The following ATR variants were observed in gnomAD, a reference collection of about 807,000 sequenced individuals.
The protein encoded by ATR is ATR checkpoint kinase.
A neutral mutation model predicts 305.3 loss-of-function variants in ATR; 142 were observed. The observed-to-expected ratio is 0.47, with a 90% CI of 0.41 to 0.53. The LOEUF (loss-of-function observed/expected upper bound fraction) is 0.53, where lower values mean the gene tolerates loss of function less well. Ranked by LOEUF, ATR falls within the 20% of genes least tolerant of loss-of-function variation. The pLI is 0.00. For missense variants in ATR, 2,135 were observed against 3,133.1 expected, an observed-to-expected ratio of 0.68 and a Z score of 7.60; for synonymous variants, 1,050 against 1,068.1, an observed-to-expected ratio of 0.98 and a Z score of 0.33.
intron 40 of ATR, 156 bp from the exon 41 acceptor site, chr3:142,465,396 C>A: frequency 2.0e-6 from 1 of 511,282 alleles, no homozygotes; most frequent in Non-Finnish European, 3.3e-6. Context: ...TTTTAATTAT[C>A]TATGACCTAT....
intron 34 of ATR, among the ~76,000 whole-genome samples, chr3:142,494,128 G>C (rs1226262607): frequency 1.3e-5 from 2 of 151,892 alleles, no homozygotes; most frequent in Non-Finnish European, 2.9e-5. Flanking sequence ...TATAACAACT[G>C]TTTACAAAGC....
intron 25 of ATR, 120 bp downstream of exon 25, chr3:142,515,275 A>G: frequency 7.3e-7 from 1 of 1,377,274 alleles, no homozygotes; most frequent in East Asian, 2.3e-5. Flanking sequence ...TTCTTCAAAA[A>G]TTTCTATGAT....
intron 15 of ATR, 52 bp downstream of exon 15, chr3:142,549,427 C>T: frequency 8.0e-7 from 1 of 1,248,214 alleles, no homozygotes; most frequent in East Asian, 2.6e-5. Flanking sequence ...TACATCTTTC[C>T]TATAATGCTA....
At chr3:142,477,824 G>C (rs578084019) in intron 36 of ATR, among the ~76,000 whole-genome samples, 2 of 152,144 alleles carry the variant, frequency 1.3e-5, no homozygotes, top group African/African-American at 4.8e-5. Context: ...GTCTTGGGAG[G>C]GTGTATGTGT....
In ATR at chr3:142,505,298, C is replaced by A; in HGVS notation, c.5037G>T (p.Leu1679Phe). Residue 1679 changes from leucine (L) to phenylalanine (F), a missense_variant, in exon 29 of 47, where the codon TTG becomes TTT. Leu to Phe is a conservative substitution (Grantham distance 22). Around this residue, in one of 9 missense-constraint regions of ATR, gnomAD observed 45 missense variants for 80.4 expected, o/e 0.56. Coordinates refer to ENST00000350721, the MANE Select transcript of ATR (RefSeq NM_001184.4). ...IQEHLGFLQK[L>F]YAAMHEPDGV... Reference sequence around the variant, plus strand: ...CATCAGGTTCATGCATAGCAGCATACAATTTCTTTGTTCAATGATTAAAAA... The same window carrying A: ...CATCAGGTTCATGCATAGCAGCATAAAATTTCTTTGTTCAATGATTAAAAA... 6.2e-7 allele frequency: 1 copy of A among 1,613,484 alleles called. No individual in the cohort carries two copies.
At chr3:142,516,184 A>AC (rs999612675) in intron 24 of ATR, among the ~76,000 whole-genome samples, 3 of 151,862 alleles carry the variant, frequency 2.0e-5, no homozygotes, top group Admixed American at 2.0e-4. Flanking sequence ...GATCTATGAC[A>AC]CCCCTGTCTC....
At chr3:142,523,524 T>C (rs2033244415) in intron 22 of ATR, among the ~76,000 whole-genome samples, 1 of 152,192 alleles carries the variant, frequency 6.6e-6, no homozygotes, top group Non-Finnish European at 1.5e-5. Flanking sequence ...ACGCATATAG[T>C]ATAACTCTTG....
At chr3:142,561,164 A>C in intron 5 of ATR, 79 bp downstream of exon 5, 1 of 1,469,902 alleles carries the variant, frequency 6.8e-7, no homozygotes, top group Admixed American at 1.7e-5. Flanking sequence ...AAATCAAAGC[A>C]CTTAACTAAA....
intron 23 of ATR, among the ~76,000 whole-genome samples, chr3:142,520,276 G>C (rs995132699): frequency 2.6e-5 from 4 of 151,916 alleles, no homozygotes; most frequent in African/African-American, 9.7e-5. Flanking sequence ...TAAGAATATT[G>C]AAATTAGGCC....
In ATR at chr3:142,562,964, T is replaced by C; in HGVS notation, c.438A>G (p.Thr146=). Residue 146 remains threonine, a synonymous_variant, in exon 4 of 47, where the codon ACA becomes ACG. Transcript: ENST00000350721. The part of the protein sequence containing the change: ...SKSPAIFGVL[T]KELLQLFEDL... The stretch of plus-strand genomic sequence containing the variant: ...CTTCAAAAAGTTGTAATAATTCTTT[T>C]GTGAGTACCCCAAAAATAGCAGGAC... The C allele has an allele frequency of 6.2e-7, 1 of 1,611,236 alleles. No individual in the cohort carries two copies. Among genetic ancestry groups the C allele is most frequent in the South Asian group, 1.1e-5 (1 of 90,008 alleles).
At chr3:142,542,811 G>T in intron 16 of ATR, 54 bp from the exon 17 acceptor site, 1 of 1,370,714 alleles carries the variant, frequency 7.3e-7, no homozygotes, top group Non-Finnish European at 1.0e-6. Context: ...AATTTCTTAA[G>T]TTGACATTTT....
rs968816203 is a variant in ATR, at chr3:142,561,339, T to A, written c.1253A>T (p.Glu418Val). The change falls in exon 5 of 47, where the codon GAA becomes GTA. Residue 418 changes from glutamate (E) to valine (V), a missense_variant. By Grantham distance (121) the Glu-to-Val change is moderately radical. This residue lies in a region of ATR where 744 missense variants were observed against 873.2 expected (regional missense o/e 0.85). Coordinates refer to ENST00000350721, the MANE Select transcript of ATR (RefSeq NM_001184.4). Reference sequence around the variant, plus strand: ...TCCATCACTATTACTGCTGAGGTTTTCCTGTTGAGTTTGGCATTGAATCTC... The same window carrying A: ...TCCATCACTATTACTGCTGAGGTTTACCTGTTGAGTTTGGCATTGAATCTC... Reference protein sequence around the residue: ...IEEIQCQTQQENLSSNSDGIS... With the variant: ...IEEIQCQTQQVNLSSNSDGIS... 7 of 1,613,994 alleles carry A rather than the reference T, an allele frequency of 4.3e-6. No homozygotes were observed. Among genetic ancestry groups the A allele is most frequent in the African/African-American group, 1.3e-5 (1 of 74,926 alleles).
chr3:142,526,282 A>G (rs2033383910), intron 21 of ATR, among the ~76,000 whole-genome samples: 1 of 152,152 alleles, frequency 6.6e-6, no homozygotes, highest in Non-Finnish European at 1.5e-5. Context: ...GAAGTATATT[A>G]GCATAAGAAA....
intron 8 of ATR, among the ~76,000 whole-genome samples, chr3:142,556,973 G>A (rs527682111): frequency 6.6e-6 from 1 of 152,256 alleles, no homozygotes; most frequent in East Asian, 1.9e-4. Context: ...GTGTATCTTT[G>A]GAGAACAATA....
At position 142,462,040 on chromosome 3, in the gene ATR, T is replaced by A. The variant is rs1018327125; in HGVS notation, c.7092A>T (p.Thr2364=). Residue 2364 remains threonine, a synonymous_variant, in exon 42 of 47, where the codon ACA becomes ACT. Coordinates refer to ENST00000350721, the MANE Select transcript of ATR (RefSeq NM_001184.4). ...CATCATTTAGTGGAATAACTGCATA[T>A]GTTCGAATATGAAGTTCTCTTCTAC... is the stretch of plus-strand genomic sequence containing the variant. ...ESRRRELHIR[T]YAVIPLNDEC... The A allele has an allele frequency of 6.2e-7, 1 of 1,613,286 alleles. No individual in the cohort carries two copies. The highest frequency in any genetic ancestry group is 8.5e-7 in the Non-Finnish European group (1 of 1,179,500).
intron 1 of ATR, among the ~76,000 whole-genome samples, chr3:142,571,083 A>G (rs62276448): frequency 0.15 from 22,100 of 152,184 alleles, 1,985 homozygotes; most frequent in Middle Eastern, 0.26. Context: ...AGACGCAAAT[A>G]ATTTAATAAA....
At chr3:142,535,269 GC>G (rs1463276792) in intron 20 of ATR, 64 bp from the exon 21 acceptor site, 1 of 1,590,034 alleles carries the variant, frequency 6.3e-7, no homozygotes, top group African/African-American at 1.3e-5. Flanking sequence ...ATTTCCAAAG[GC>G]CTGAATTCTC....
At chr3:142,484,116 A>G (rs2030741676) in intron 36 of ATR, among the ~76,000 whole-genome samples, 1 of 152,064 alleles carries the variant, frequency 6.6e-6, no homozygotes, top group African/African-American at 2.4e-5. Flanking sequence ...ATCTCTCTCT[A>G]TGAGCTTCTC....
intron 41 of ATR, among the ~76,000 whole-genome samples, chr3:142,462,571 C>T (rs2071043043): frequency 6.6e-6 from 1 of 151,774 alleles, no homozygotes; most frequent in Admixed American, 6.6e-5. Flanking sequence ...CGGGTTCTTG[C>T]CATTCTCCTG....
Sources: gnomAD v4.1 joint callset for allele counts (sites outside exome capture counted in the v4.1 genomes callset) on GRCh38, gnomAD v4.1.1 for gene constraint, gnomAD v4.1.1 regional missense constraint, MANE v1.5 for transcripts, NCBI Gene and HGNC (gene_info 2026-07-23, HGNC 2026-07-21) for gene names.